Variants in SND1 observed in about 807,000 individuals in gnomAD.
SND1 encodes the protein staphylococcal nuclease and tudor domain containing 1, also known as staphylococcal nuclease domain-containing protein 1.
A neutral mutation model predicts 121.7 loss-of-function variants in SND1; 38 were observed. The observed-to-expected ratio is 0.31, with a 90% CI of 0.24 to 0.41. SND1 has a LOEUF of 0.41. Among genes scored for constraint, SND1 ranks in the 10% least tolerant of loss-of-function variants. The pLI, the probability that SND1 is intolerant of heterozygous loss-of-function variation, is 1.00. For synonymous variants in SND1, 401 were observed against 447.4 expected (o/e 0.90, Z 1.31); for missense variants, 868 against 1,184.6 (o/e 0.73, Z 3.92).
At chr7:127,866,445 T>C (rs1274954529) in intron 12 of SND1, among the ~76,000 whole-genome samples, 3 of 143,710 alleles carry the variant, frequency 2.1e-5, no homozygotes, top group African/African-American at 5.0e-5. Flanking sequence ...TTAAAGGTGT[T>C]TGATGCTGCC....
intron 11 of SND1, among the ~76,000 whole-genome samples, chr7:127,829,615 T>C (rs1798703968): frequency 6.6e-6 from 1 of 152,190 alleles, no homozygotes; most frequent in Non-Finnish European, 1.5e-5. Flanking sequence ...TTAAAGTGGT[T>C]CTCAGCATAC....
At chr7:127,977,563 T>A (rs1802150262) in intron 15 of SND1, among the ~76,000 whole-genome samples, 1 of 152,196 alleles carries the variant, frequency 6.6e-6, no homozygotes. Flanking sequence ...TGGTAGCTGA[T>A]TAATCTGGTA....
chr7:127,847,463 A>C (rs1006190593), intron 12 of SND1, among the ~76,000 whole-genome samples: 1 of 152,206 alleles, frequency 6.6e-6, no homozygotes, highest in African/African-American at 2.4e-5. Context: ...TACATCTTAA[A>C]TATTTTATTT....
At chr7:127,831,553 C>G (rs993449258) in intron 11 of SND1, among the ~76,000 whole-genome samples, 1 of 152,174 alleles carries the variant, frequency 6.6e-6, no homozygotes, top group South Asian at 2.1e-4. Flanking sequence ...CAGTACACCA[C>G]TGGGCACCCA....
At chr7:127,796,053 T>C (rs1477546338) in intron 10 of SND1, among the ~76,000 whole-genome samples, 1 of 151,922 alleles carries the variant, frequency 6.6e-6, no homozygotes, top group Non-Finnish European at 1.5e-5. Flanking sequence ...GAGACGGGGT[T>C]TCACCATGTT....
chr7:127,862,415 A>G (rs1338551345), intron 12 of SND1, among the ~76,000 whole-genome samples: 1 of 152,124 alleles, frequency 6.6e-6, no homozygotes, highest in Non-Finnish European at 1.5e-5. Flanking sequence ...AGCATAATTT[A>G]TAAGTTACCC....
intron 11 of SND1, among the ~76,000 whole-genome samples, chr7:127,808,337 A>AT (rs1021432113): frequency 6.6e-6 from 1 of 151,476 alleles, no homozygotes; most frequent in Non-Finnish European, 1.5e-5. Context: ...TAATTTTTGT[A>AT]TTTTTTTGGT....
chr7:127,962,240 C>A (rs899701595), intron 15 of SND1, among the ~76,000 whole-genome samples: 1 of 152,090 alleles, frequency 6.6e-6, no homozygotes, highest in African/African-American at 2.4e-5. Flanking sequence ...ATAAATTAAG[C>A]CTTGAAACCC....
chr7:127,931,996 A>G (rs1563062276), intron 15 of SND1, among the ~76,000 whole-genome samples: 1 of 152,252 alleles, frequency 6.6e-6, no homozygotes, highest in Non-Finnish European at 1.5e-5. Context: ...AAGATTGTAC[A>G]TGCCTGCTAA....
At chr7:127,957,158 A>ACC in intron 15 of SND1, among the ~76,000 whole-genome samples, 1 of 152,322 alleles carries the variant, frequency 6.6e-6, no homozygotes, top group East Asian at 1.9e-4. Context: ...TAGGTCCAAG[A>ACC]ACAGTTTTTC....
intron 2 of SND1, chr7:127,692,376 G>A (rs537421049): frequency 2.0e-5 from 3 of 152,312 alleles, no homozygotes; most frequent in African/African-American, 7.2e-5. Context: ...ATGGGACTCT[G>A]GGGCATCATT....
chr7:127,970,956 A>C (rs1273379114), intron 15 of SND1, among the ~76,000 whole-genome samples: 1 of 152,084 alleles, frequency 6.6e-6, no homozygotes, highest in Non-Finnish European at 1.5e-5. Flanking sequence ...TAAATAAATA[A>C]ATAAATAAAT....
chr7:128,001,585 A>C (rs1802827263), intron 16 of SND1, among the ~76,000 whole-genome samples: 1 of 152,226 alleles, frequency 6.6e-6, no homozygotes, highest in African/African-American at 2.4e-5. Context: ...TCACAACCCA[A>C]GATATTAAAC....
intron 10 of SND1, among the ~76,000 whole-genome samples, chr7:127,786,060 A>G (rs1429296495): frequency 6.6e-6 from 1 of 152,110 alleles, no homozygotes; most frequent in Admixed American, 6.5e-5. Flanking sequence ...CACTTCCTGA[A>G]GCCTGGACCA....
chr7:127,886,849 CAAAA>C (rs11413396), intron 12 of SND1, among the ~76,000 whole-genome samples: 6 of 118,422 alleles, frequency 5.1e-5, no homozygotes, highest in Non-Finnish European at 1.0e-4. Context: ...CTTATTCTGG[CAAAA>C]AAAAAAAAAA....
At chr7:127,706,113 A>G (rs1340197476) in intron 8 of SND1, among the ~76,000 whole-genome samples, 1 of 152,214 alleles carries the variant, frequency 6.6e-6, no homozygotes, top group African/African-American at 2.4e-5. Context: ...TAATAACCGT[A>G]TCAAGTACAG....
chr7:128,081,553 T>G, intron 18 of SND1, 52 bp downstream of exon 18: 1 of 1,605,928 alleles, frequency 6.2e-7, no homozygotes, highest in Non-Finnish European at 8.5e-7. Context: ...CAGCTGGCGC[T>G]GCCTGGGGGT....
chr7:127,734,148 T>C (rs903651405), intron 10 of SND1, among the ~76,000 whole-genome samples: 1 of 152,152 alleles, frequency 6.6e-6, no homozygotes, highest in Non-Finnish European at 1.5e-5. Context: ...AGTGCAGTAA[T>C]ATCTCTGCAA....
intron 14 of SND1, among the ~76,000 whole-genome samples, chr7:127,926,339 G>A (rs1303657953): frequency 1.3e-5 from 2 of 152,052 alleles, no homozygotes; most frequent in Non-Finnish European, 2.9e-5. Flanking sequence ...GACTTTATAA[G>A]AACTTAATAT....
Sources: allele counts gnomAD v4.1 joint callset (sites outside exome capture counted in the v4.1 genomes callset), GRCh38; gene constraint gnomAD v4.1.1; transcripts MANE v1.5; gene names NCBI Gene and HGNC (gene_info 2026-07-23, HGNC 2026-07-21).